LRRC28: variants seen among roughly 807,000 people sequenced by gnomAD.
The protein encoded by LRRC28 is leucine rich repeat containing 28.
In LRRC28, 39 loss-of-function variants were observed where a neutral mutation model predicts 45.7. The ratio of observed to expected loss-of-function variants is 0.85; its 90% CI spans 0.66 to 1.12. The LOEUF is 1.12. LRRC28 is among the 50% of genes most tolerant of loss of function. The pLI is 0.00. For missense variants in LRRC28, 435 were observed against 438.5 expected (o/e 0.99, Z 0.07); for synonymous variants, 206 against 178.8 (o/e 1.15, Z -1.22).
At chr15:99,310,999 A>G (rs1015046623) in intron 5 of LRRC28, among the ~76,000 whole-genome samples, 11 of 152,202 alleles carry the variant, frequency 7.2e-5, no homozygotes, top group African/African-American at 2.7e-4. Context: ...TGAGTAATGC[A>G]CGTAGGTCTT....
At chr15:99,377,905 T>TCTGTTTTGGTACCAGTACCATG (rs1435517730) in intron 9 of LRRC28, among the ~76,000 whole-genome samples, 20 of 152,342 alleles carry the variant, frequency 1.3e-4, no homozygotes, top group Admixed American at 1.2e-3. Flanking sequence ...GGTCTATAGC[T>TCTGTTTTGGTACCAGTACCATG]CTGTTTTGGT....
chr15:99,364,602 T>TA (rs1334739645), intron 9 of LRRC28, among the ~76,000 whole-genome samples: 2 of 152,194 alleles, frequency 1.3e-5, no homozygotes. Flanking sequence ...ATAAAATAGA[T>TA]ACGTTTATGA....
intron 5 of LRRC28, among the ~76,000 whole-genome samples, chr15:99,290,720 C>T (rs569792628): frequency 2.2e-4 from 33 of 151,930 alleles, no homozygotes; most frequent in South Asian, 4.2e-4. Context: ...GAAGCTGAGG[C>T]GAGAGGATCA....
At chr15:99,324,920 A>C (rs11857504) in intron 5 of LRRC28, among the ~76,000 whole-genome samples, 1 of 152,180 alleles carries the variant, frequency 6.6e-6, no homozygotes, top group Non-Finnish European at 1.5e-5. Flanking sequence ...TAATTTCAGC[A>C]TGACACAGCA....
intron 5 of LRRC28, among the ~76,000 whole-genome samples, chr15:99,314,020 A>C (rs7167119): frequency 0.44 from 66,603 of 152,062 alleles, 15,840 homozygotes; most frequent in African/African-American, 0.64. Flanking sequence ...TTCTAGAGTT[A>C]TGAATAGTTG....
chr15:99,380,853 C>A (rs571459916), intron 9 of LRRC28, among the ~76,000 whole-genome samples: 209 of 152,304 alleles, frequency 1.4e-3, no homozygotes, highest in African/African-American at 4.1e-3. Context: ...AGAATGTTGA[C>A]TGTTGGTCCC....
chr15:99,331,663 A>G (rs1458980703), intron 5 of LRRC28, among the ~76,000 whole-genome samples: 1 of 152,110 alleles, frequency 6.6e-6, no homozygotes, highest in East Asian at 1.9e-4. Flanking sequence ...AATATTTATT[A>G]TCATTCCTGT....
chr15:99,319,892 C>T (rs188594399), intron 5 of LRRC28, among the ~76,000 whole-genome samples: 2,567 of 152,098 alleles, frequency 0.017, 33 homozygotes, highest in Non-Finnish European at 0.026. Flanking sequence ...CAACCTCTGC[C>T]TCCTGGGTTC....
chr15:99,385,965 C>G, intron 9 of LRRC28, 65 bp from the exon 10 acceptor site: 1 of 1,446,668 alleles, frequency 6.9e-7, no homozygotes, highest in South Asian at 1.1e-5. Context: ...AAGTTTCCAG[C>G]AGAAAGAATC....
intron 6 of LRRC28, among the ~76,000 whole-genome samples, chr15:99,348,917 A>G (rs1956782356): frequency 6.6e-6 from 1 of 152,098 alleles, no homozygotes; most frequent in Non-Finnish European, 1.5e-5. Flanking sequence ...AACACTGGAT[A>G]TCTTTCCACT....
chr15:99,335,738 C>G (rs1956301118), intron 6 of LRRC28, among the ~76,000 whole-genome samples: 1 of 151,864 alleles, frequency 6.6e-6, no homozygotes, highest in African/African-American at 2.4e-5. Flanking sequence ...TTGTATTTAC[C>G]ACTTCATAAT....
intron 5 of LRRC28, among the ~76,000 whole-genome samples, chr15:99,317,074 A>G (rs1242096201): frequency 6.6e-6 from 1 of 151,510 alleles, no homozygotes; most frequent in Non-Finnish European, 1.5e-5. Context: ...TCAGAGCCTC[A>G]TAAATGTTGC....
At chr15:99,265,616 A>G (rs1338335339) in intron 2 of LRRC28, among the ~76,000 whole-genome samples, 1 of 152,174 alleles carries the variant, frequency 6.6e-6, no homozygotes, top group Non-Finnish European at 1.5e-5. Context: ...TGGAAGCAAC[A>G]ATCACTAGTC....
rs531807396 is a variant in LRRC28, at chr15:99,360,131, A to G, written c.696-1205A>G. On this transcript the variant is annotated intron_variant, in intron 7 of 9. Transcript: ENST00000301981. ...TTAAAACCATCTAACTTCAGCTAATATTCCTGGCCTCCTTCCCCTGTCCAT... is the reference window on the plus strand; with the variant it reads ...TTAAAACCATCTAACTTCAGCTAATGTTCCTGGCCTCCTTCCCCTGTCCAT... 2.0e-5 allele frequency among the ~76,000 whole-genome samples: 3 copies of G among 152,272 alleles called. No homozygotes were observed. The South Asian group carries it at 6.2e-4, about 32-fold the overall frequency.
intron 5 of LRRC28, among the ~76,000 whole-genome samples, chr15:99,295,778 G>C (rs2082246820): frequency 6.6e-6 from 1 of 152,186 alleles, no homozygotes; most frequent in African/African-American, 2.4e-5. Flanking sequence ...GTGTTTTAAT[G>C]GCTGAAAGTA....
At chr15:99,334,156 A>G in intron 6 of LRRC28, 27 bp downstream of exon 6, 1 of 1,612,404 alleles carries the variant, frequency 6.2e-7, no homozygotes, top group South Asian at 1.1e-5. Context: ...AAAGTAAAGC[A>G]GCCAAAGAAT....
In LRRC28 at chr15:99,304,234, T is replaced by C. The variant is rs573288427; in HGVS notation, c.385+16283T>C. ...GGTTTGCAAAAACGATTTACATAAA[T>C]AGCCCTTTACAGCAAGGTTGTCAAC... On this transcript the variant is annotated intron_variant, in intron 5 of 9. Coordinates refer to ENST00000301981, the MANE Select transcript of LRRC28 (RefSeq NM_144598.5). 2.6e-5 allele frequency among the ~76,000 whole-genome samples: 4 copies of C among 152,370 alleles called. No individual in the cohort carries two copies. The South Asian group carries it at 8.3e-4, about 32-fold the overall frequency.
Position 99,258,393 on chromosome 15 carries a change from A to G in LRRC28, c.168+2268A>G. 3.9e-6 allele frequency: 4 copies of G among 1,018,220 alleles called. No homozygotes were observed. In the South Asian group the frequency reaches 5.2e-5, roughly 13 times the overall value. The allele number at this position is 1,018,220 out of a possible 1,614,324, so 63.1% of individuals were successfully genotyped here. On this transcript the variant is annotated intron_variant, in intron 2 of 9. Transcript: ENST00000301981. ...GTCTTAAAAGAAAAAGCATTTGATTACCTTGCATTGGATACAATTAAAAAT... is the reference window on the plus strand; with the variant it reads ...GTCTTAAAAGAAAAAGCATTTGATTGCCTTGCATTGGATACAATTAAAAAT...
chr15:99,326,230 A>T lies in LRRC28; in HGVS notation c.386-7693A>T, dbSNP rs564279249. ...GTTCTTTGCTTTTTAAAAAATAAAA[A>T]AAATGATTAAAAGGTTTTAAAAGGT... On this transcript the variant is annotated intron_variant, in intron 5 of 9. Transcript: ENST00000301981. Among the ~76,000 whole-genome samples, 30 of 152,332 alleles carry T rather than the reference A, an allele frequency of 2.0e-4. 1 individual carries two copies. In the East Asian group the frequency reaches 4.0e-3, roughly 21 times the overall value.
Sources: allele counts gnomAD v4.1 joint callset (sites outside exome capture counted in the v4.1 genomes callset), GRCh38; gene constraint gnomAD v4.1.1; transcripts MANE v1.5; gene names NCBI Gene and HGNC (gene_info 2026-07-23, HGNC 2026-07-21).